ZNF724: variants seen among roughly 807,000 people sequenced by gnomAD.
ZNF724 encodes zinc finger protein 724.
Under a neutral mutation model 29.3 loss-of-function variants are expected in ZNF724, and 14 were observed. The ratio of observed to expected loss-of-function variants is 0.48; its 90% confidence interval spans 0.32 to 0.75. The LOEUF is 0.75. Ranked by LOEUF, ZNF724 falls within the 30% of genes least tolerant of loss-of-function variation. The pLI, the probability that ZNF724 is intolerant of heterozygous loss-of-function variation, is 0.04. For synonymous variants in ZNF724, 180 were observed against 193.6 expected (o/e 0.93, Z 0.58); for missense variants, 557 against 571.2 (o/e 0.98, Z 0.25).
chr19:23,249,389 C>A (rs1027310587), intron 1 of ZNF724, among the ~76,000 whole-genome samples: 5 of 146,604 alleles, frequency 3.4e-5, no homozygotes, highest in East Asian at 2.2e-4. Flanking sequence ...TACAAGCATG[C>A]GCCACTATGC....
chr19:23,249,263 C>T (rs1282941917), intron 1 of ZNF724, among the ~76,000 whole-genome samples: 7 of 123,786 alleles, frequency 5.7e-5, no homozygotes, highest in Non-Finnish European at 1.1e-4. Flanking sequence ...TTTTTCTAGA[C>T]AGAGTCTTCT....
rs780768033 is a variant in ZNF724, at chr19:23,223,249, A to G, written c.996T>C (p.His332=). 3 of 889,532 alleles carry G rather than the reference A, an allele frequency of 3.4e-6. No individual in the cohort carries two copies. The highest frequency in any genetic ancestry group is 2.1e-4 in the Middle Eastern group (1 of 4,688). 55.1% of individuals were successfully genotyped at this position (889,532 alleles called of 1,614,324 possible). ...SSNLTKHKRI[H]TGDKPYKCEE... is the part of the protein sequence containing the mutation. The stretch of plus-strand genomic sequence containing the variant: ...CACATTTATAAGGTTTATCACCAGT[A>G]TGAATTCTCTTATGTTTAGTAAGGT... The change falls in exon 4 of 4, where the codon CAT becomes CAC. Residue 332 remains histidine, a synonymous_variant. Coordinates refer to ENST00000418100, the MANE Select transcript of ZNF724 (RefSeq NM_001355404.2).
chr19:23,223,325 T>C lies in ZNF724; in HGVS notation c.920A>G (p.Glu307Gly), dbSNP rs1204620885. 2.6e-6 allele frequency: 2 copies of C among 769,836 alleles called. No homozygotes were observed. Among genetic ancestry groups the C allele is most frequent in the South Asian group, 2.7e-5 (2 of 73,386 alleles). The allele number at this position is 769,836 out of a possible 1,614,324, so 47.7% of individuals were successfully genotyped here. The change falls in exon 4 of 4, where the codon GAG (glutamate) becomes GGG (glycine). Residue 307 changes from glutamate to glycine, a missense_variant. By Grantham distance (98) the Glu-to-Gly change is moderately conservative. This residue lies in a region of ZNF724 where 362 missense variants were observed against 295.5 expected (regional missense o/e 1.22). Transcript: ENST00000418100. ...ACAATGTTCACATATGTAGGGCTTC[T>C]CTCCAGCATGAATTATCTTATGTCT... is the stretch of plus-strand genomic sequence containing the variant. ...LTRHKIIHAG[E>G]KPYICEHCGR...
intron 1 of ZNF724, among the ~76,000 whole-genome samples, chr19:23,232,814 G>GC (rs1555724710): frequency 8.8e-6 from 1 of 113,716 alleles, no homozygotes; most frequent in Non-Finnish European, 2.1e-5. Context: ...GAAATAACCT[G>GC]TTTTTCCCCC....
chr19:23,230,406 ACT>A (rs1055828381), intron 3 of ZNF724, among the ~76,000 whole-genome samples: 5 of 152,142 alleles, frequency 3.3e-5, no homozygotes, highest in East Asian at 1.9e-4. Flanking sequence ...ACTTCAATAA[ACT>A]CTGAATAATG....
chr19:23,237,059 G>C (rs1473321443), intron 1 of ZNF724, among the ~76,000 whole-genome samples: 3 of 152,008 alleles, frequency 2.0e-5, no homozygotes, highest in Non-Finnish European at 4.4e-5. Flanking sequence ...CACCATATTA[G>C]CCAGGCTGGT....
intron 1 of ZNF724, among the ~76,000 whole-genome samples, chr19:23,246,138 T>G (rs1019544413): frequency 6.6e-6 from 1 of 152,152 alleles, no homozygotes; most frequent in African/African-American, 2.4e-5. Flanking sequence ...TTCACTCAGG[T>G]TTTGAAACTC....
chr19:23,224,130 G>A (rs1971779478), intron 3 of ZNF724, 112 bp from the exon 4 acceptor site: 1 of 533,664 alleles, frequency 1.9e-6, no homozygotes, highest in South Asian at 3.0e-5. Flanking sequence ...TGCATAAGAA[G>A]GCCAGGCATG....
intron 1 of ZNF724, among the ~76,000 whole-genome samples, chr19:23,245,784 T>C (rs1339204850): frequency 3.9e-5 from 6 of 152,136 alleles, no homozygotes; most frequent in Admixed American, 1.3e-4. Context: ...TTCCTCCTGT[T>C]CCAATACTCC....
intron 1 of ZNF724, among the ~76,000 whole-genome samples, chr19:23,235,542 G>A (rs1286110571): frequency 6.6e-6 from 1 of 152,082 alleles, no homozygotes; most frequent in Non-Finnish European, 1.5e-5. Flanking sequence ...CTGCTTTTGG[G>A]TTTCAGAAAA....
At chr19:23,227,559 A>AAAAAAAAAC (rs1555724208) in intron 3 of ZNF724, among the ~76,000 whole-genome samples, 7 of 110,020 alleles carry the variant, frequency 6.4e-5, no homozygotes, top group East Asian at 3.6e-4. Context: ...CCATCTCAAA[A>AAAAAAAAAC]AAAAAAAAAA....
intron 2 of ZNF724, among the ~76,000 whole-genome samples, 172 bp from the exon 3 acceptor site, chr19:23,231,533 TTAG>T (rs1971933947): frequency 6.6e-6 from 1 of 152,188 alleles, no homozygotes; most frequent in Admixed American, 6.6e-5. Context: ...ATTTTACTAC[TTAG>T]TAGTACTGAA....
At chr19:23,244,381 T>C (rs1322496453) in intron 1 of ZNF724, among the ~76,000 whole-genome samples, 2 of 152,148 alleles carry the variant, frequency 1.3e-5, no homozygotes, top group East Asian at 1.9e-4. Context: ...GATGCATCAG[T>C]GTCTAGTGGG....
chr19:23,223,306 T>G lies in ZNF724; in HGVS notation c.939A>C (p.Glu313Asp). The G allele has an allele frequency of 3.9e-6, 3 of 775,236 alleles. No individual in the cohort carries two copies. The highest frequency in any genetic ancestry group is 7.1e-6 in the Non-Finnish European group (3 of 420,930). 48.0% of individuals were successfully genotyped at this position (775,236 alleles called of 1,614,324 possible). Residue 313 changes from glutamate (E) to aspartate (D), a missense_variant, in exon 4 of 4, where the codon GAA becomes GAC. Physicochemically the swap from Glu to Asp is conservative, Grantham distance 45. This residue lies in a region of ZNF724 where 362 missense variants were observed against 295.5 expected (regional missense o/e 1.22). Coordinates refer to ENST00000418100, the MANE Select transcript of ZNF724 (RefSeq NM_001355404.2). ...ATTGGTTAAAAGCTCTGCCACAATGTTCACATATGTAGGGCTTCTCTCCAG... is the reference window on the plus strand; with the variant it reads ...ATTGGTTAAAAGCTCTGCCACAATGGTCACATATGTAGGGCTTCTCTCCAG... ...IHAGEKPYIC[E>D]HCGRAFNQSS...
Position 23,222,872 on chromosome 19 carries a change from G to T in ZNF724, c.1373C>A (p.Ala458Asp), listed in dbSNP as rs756609689. The T allele has an allele frequency of 5.0e-6, 7 of 1,408,992 alleles. No individual in the cohort carries two copies. In the South Asian group the frequency reaches 8.1e-5, roughly 16 times the overall value. 87.3% of individuals were successfully genotyped at this position (1,408,992 alleles called of 1,614,324 possible). The change falls in exon 4 of 4, where the codon GCT becomes GAT. Residue 458 changes from alanine to aspartate, a missense_variant. Ala to Asp is a moderately radical substitution (Grantham distance 126, BLOSUM62 -2). Transcript: ENST00000418100. ...KPYKCKECGKAFKRSSNLTEH... is the reference protein window; with the variant it reads ...KPYKCKECGKDFKRSSNLTEH... ...AGTAAGGTTTGAGGACCGCTTAAAA[G>T]CTTTGCCACATTCTTTACATTTGTA...
In ZNF724 at chr19:23,250,291, A is replaced by G. The variant is rs558123088; in HGVS notation, c.-49T>C. 4.3e-5 allele frequency: 28 copies of G among 649,044 alleles called. No homozygotes were observed. The highest frequency in any genetic ancestry group is 3.2e-4 in the South Asian group (24 of 74,338). 40.2% of individuals were successfully genotyped at this position (649,044 alleles called of 1,614,324 possible). ...TGGCGTCTTAGCTGTGGATCTCCCA[A>G]TGCTTGCAGGTCAGAGGGCCACAGA... On this transcript the variant is annotated 5_prime_UTR_variant, in exon 1 of 4. Transcript: ENST00000418100.
At chr19:23,241,056 A>AACAACAAC (rs1568344851) in intron 1 of ZNF724, among the ~76,000 whole-genome samples, 2 of 150,442 alleles carry the variant, frequency 1.3e-5, no homozygotes, top group African/African-American at 4.9e-5. Context: ...ACAACAACAA[A>AACAACAAC]AAAAAAAGAC....
In ZNF724 at chr19:23,223,139, T is replaced by A. The variant is rs1971753191; in HGVS notation, c.1106A>T (p.Glu369Val). ...IHTGEKPYKCEECGKAFNVSS... is the reference protein window; with the variant it reads ...IHTGEKPYKCVECGKAFNVSS... Reference sequence around the variant, plus strand: ...CACGTTAAAGGCTTTGCCACACTCTTCACATTTGTAAGGTTTCTCTCCAGT... The same window carrying A: ...CACGTTAAAGGCTTTGCCACACTCTACACATTTGTAAGGTTTCTCTCCAGT... The change falls in exon 4 of 4, where the codon GAA (glutamate) becomes GTA (valine). Residue 369 changes from glutamate (E) to valine (V), a missense_variant. Glu to Val is a moderately radical substitution (Grantham distance 121). Around this residue, in one of 3 missense-constraint regions of ZNF724, gnomAD observed 362 missense variants for 295.5 expected, o/e 1.22. Coordinates refer to ENST00000418100, the MANE Select transcript of ZNF724 (RefSeq NM_001355404.2). 7.8e-7 allele frequency: 1 copy of A among 1,289,898 alleles called. No individual in the cohort carries two copies. The highest frequency in any genetic ancestry group is 1.2e-5 in the South Asian group (1 of 84,270). 79.9% of individuals were successfully genotyped at this position (1,289,898 alleles called of 1,614,324 possible).
intron 3 of ZNF724, among the ~76,000 whole-genome samples, chr19:23,229,390 T>G (rs1323131984): frequency 2.0e-5 from 3 of 152,230 alleles, no homozygotes; most frequent in Non-Finnish European, 4.4e-5. Context: ...TAGCCTTTAC[T>G]GTGGTCCCTG....
Sources: allele counts gnomAD v4.1 joint callset (sites outside exome capture counted in the v4.1 genomes callset), GRCh38; gene constraint gnomAD v4.1.1; regional missense constraint gnomAD v4.1.1; transcripts MANE v1.5; gene names NCBI Gene and HGNC (gene_info 2026-07-23, HGNC 2026-07-21).